Variants in EGFR observed in about 807,000 individuals in gnomAD.
EGFR encodes the protein avian erythroblastic leukemia viral (v-erb-b) oncogene homolog.
Under a neutral mutation model 143.0 loss-of-function variants are expected in EGFR, and 58 were observed. That is an observed-to-expected ratio of 0.41 (90% confidence interval 0.33 to 0.50). The LOEUF (loss-of-function observed/expected upper bound fraction) is 0.50, where lower values mean the gene tolerates loss of function less well. Among genes scored for constraint, EGFR ranks in the 20% least tolerant of loss-of-function variants. EGFR has a pLI of 0.39. For missense variants in EGFR, 1,307 were observed against 1,579.0 expected (o/e 0.83, Z 2.92); for synonymous variants, 613 against 594.4 (o/e 1.03, Z -0.45).
rs920098979 is a variant in EGFR, at chr7:55,055,254, C to A, written c.88+35889C>A. On this transcript the variant is annotated intron_variant, in intron 1 of 27. Coordinates refer to ENST00000275493, the MANE Select transcript of EGFR (RefSeq NM_005228.5). ...AACCTCAGCCGCACATTGAGAATCA[C>A]CTGGGACCCTTAAAAAAATCTTAAC... Among the ~76,000 whole-genome samples, 3 of 152,184 alleles carry A rather than the reference C, an allele frequency of 2.0e-5. No individual in the cohort carries two copies. In the East Asian group the frequency reaches 5.8e-4, roughly 29 times the overall value.
intron 4 of EGFR, among the ~76,000 whole-genome samples, chr7:55,148,458 A>G (rs937659219): frequency 4.6e-5 from 7 of 152,194 alleles, no homozygotes; most frequent in Non-Finnish European, 1.0e-4. Flanking sequence ...ACTACAGGGC[A>G]TTGAACTATA....
At chr7:55,170,770 C>T (rs1786308450) in intron 15 of EGFR, 5 of 1,448,894 alleles carry the variant, frequency 3.5e-6, no homozygotes, top group South Asian at 1.5e-5. Context: ...CCTGCAGGGA[C>T]TCCATGCTGC....
intron 1 of EGFR, among the ~76,000 whole-genome samples, chr7:55,114,836 T>G (rs917496478): frequency 2.6e-5 from 4 of 151,910 alleles, no homozygotes; most frequent in Admixed American, 6.5e-5. Flanking sequence ...AGAAGGACAT[T>G]GTGTAGAAAT....
intron 1 of EGFR, among the ~76,000 whole-genome samples, chr7:55,076,414 A>T (rs1359019259): frequency 6.6e-6 from 1 of 152,210 alleles, no homozygotes; most frequent in Non-Finnish European, 1.5e-5. Flanking sequence ...TTGGTTGGAA[A>T]AAAAATCCTG....
intron 1 of EGFR, among the ~76,000 whole-genome samples, chr7:55,108,854 T>C (rs1014200560): frequency 6.6e-6 from 1 of 152,218 alleles, no homozygotes; most frequent in Non-Finnish European, 1.5e-5. Flanking sequence ...CATGTGCAAC[T>C]TCCTAAGGAG....
chr7:55,059,583 C>T (rs1789047431), intron 1 of EGFR, among the ~76,000 whole-genome samples: 1 of 152,058 alleles, frequency 6.6e-6, no homozygotes, highest in African/African-American at 2.4e-5. Flanking sequence ...CACGCAGAGT[C>T]GTCTCCTGGC....
rs1016853855 is a variant in EGFR at position 55,123,053 on chromosome 7, CT to C, written c.89-19232del. On this transcript the variant is annotated intron_variant, in intron 1 of 27. Coordinates refer to ENST00000275493, the MANE Select transcript of EGFR (RefSeq NM_005228.5). Reference sequence around the variant, plus strand: ...GGGATATTTTAGAAGGATGACCAGGCTAGTTTGTAGTAAGAAAAAATCAACA... The same window carrying C: ...GGGATATTTTAGAAGGATGACCAGGCAGTTTGTAGTAAGAAAAAATCAACA... Among the ~76,000 whole-genome samples, 72 of 152,210 alleles carry C rather than the reference CT, an allele frequency of 4.7e-4. 1 individual carries two copies. The highest frequency in any genetic ancestry group is 1.9e-3 in the Admixed American group (29 of 15,284).
At chr7:55,020,368 G>C (rs1786476396) in intron 1 of EGFR, among the ~76,000 whole-genome samples, 1 of 152,202 alleles carries the variant, frequency 6.6e-6, no homozygotes, top group Admixed American at 6.5e-5. Context: ...GCGGCTGTCC[G>C]GCCACTGCAG....
chr7:55,166,434 T>C, intron 15 of EGFR: 1 of 498,516 alleles, frequency 2.0e-6, no homozygotes, highest in Non-Finnish European at 3.9e-6. Context: ...TCACTTTCTT[T>C]TCTGTAAATT....
chr7:55,146,521 A>G (rs2128929221), intron 3 of EGFR, 85 bp from the exon 4 acceptor site: 2 of 1,596,950 alleles, frequency 1.3e-6, no homozygotes, highest in African/African-American at 2.7e-5. Flanking sequence ...CTTTAGCAGA[A>G]CATAAATGCG....
At chr7:55,196,751 A>G (rs1433557334) in intron 22 of EGFR, among the ~76,000 whole-genome samples, 1 of 148,708 alleles carries the variant, frequency 6.7e-6, no homozygotes, top group Non-Finnish European at 1.5e-5. Context: ...GCTAGTCATC[A>G]TTTATTGAGT....
chr7:55,065,287 T>G (rs1038724140), intron 1 of EGFR, among the ~76,000 whole-genome samples: 1 of 152,016 alleles, frequency 6.6e-6, no homozygotes, highest in Non-Finnish European at 1.5e-5. Context: ...AGGAGAGGGG[T>G]GGACGAGGAG....
At position 55,142,418 on chromosome 7, in the gene EGFR, A is replaced by G; in HGVS notation, c.221A>G (p.Tyr74Cys). Reference protein sequence around the residue: ...NLEITYVQRNYDLSFLKTIQE... With the variant: ...NLEITYVQRNCDLSFLKTIQE... Reference sequence around the variant, plus strand: ...GAAATTACCTATGTGCAGAGGAATTATGATCTTTCCTTCTTAAAGGTTGGT... The same window carrying G: ...GAAATTACCTATGTGCAGAGGAATTGTGATCTTTCCTTCTTAAAGGTTGGT... Residue 74 changes from tyrosine to cysteine, a missense_variant, in exon 2 of 28, where the codon TAT (tyrosine) becomes TGT (cysteine). Physicochemically the swap from Tyr to Cys is radical, Grantham distance 194. This residue lies in a region of EGFR where 311 missense variants were observed against 412.3 expected (regional missense o/e 0.75). Coordinates refer to ENST00000275493, the MANE Select transcript of EGFR (RefSeq NM_005228.5). The G allele has an allele frequency of 1.9e-6, 3 of 1,614,204 alleles. No homozygotes were observed. The highest frequency in any genetic ancestry group is 2.5e-6 in the Non-Finnish European group (3 of 1,180,034).
At position 55,202,550 on chromosome 7, in the gene EGFR, T is replaced by G; in HGVS notation, c.3196T>G (p.Leu1066Val). Residue 1066 changes from leucine to valine, a missense_variant, in exon 27 of 28, where the codon TTG (leucine) becomes GTG (valine). This residue lies in a region of EGFR where 313 missense variants were observed against 312.3 expected (regional missense o/e 1.00). Coordinates refer to ENST00000275493, the MANE Select transcript of EGFR (RefSeq NM_005228.5). ...CTGTCCCATCAAGGAAGACAGCTTC[T>G]TGCAGCGATACAGCTCAGACCCCAC... is the stretch of plus-strand genomic sequence containing the variant. ...QSCPIKEDSFLQRYSSDPTGA... is the reference protein window; with the variant it reads ...QSCPIKEDSFVQRYSSDPTGA... The G allele has an allele frequency of 6.2e-7, 1 of 1,612,836 alleles. No homozygotes were observed. Among genetic ancestry groups the G allele is most frequent in the Non-Finnish European group, 8.5e-7 (1 of 1,179,432 alleles).
chr7:55,192,977 T>C, intron 22 of EGFR, 136 bp downstream of exon 22: 1 of 838,184 alleles, frequency 1.2e-6, no homozygotes, highest in Non-Finnish European at 2.0e-6. Flanking sequence ...TAATCATTGC[T>C]GTCTATCTAT....
At chr7:55,051,341 A>G (rs1456301163) in intron 1 of EGFR, among the ~76,000 whole-genome samples, 1 of 152,160 alleles carries the variant, frequency 6.6e-6, no homozygotes, top group East Asian at 1.9e-4. Context: ...GTGGGGCCTA[A>G]TCACAGGTGA....
intron 1 of EGFR, among the ~76,000 whole-genome samples, chr7:55,111,772 A>G (rs945395883): frequency 6.6e-6 from 1 of 152,226 alleles, no homozygotes; most frequent in Admixed American, 6.5e-5. Flanking sequence ...CCCAGCAGAT[A>G]AATGACGTGT....
At chr7:55,157,916 C>G (rs561384993) in intron 11 of EGFR, among the ~76,000 whole-genome samples, 163 bp downstream of exon 11, 66 of 152,334 alleles carry the variant, frequency 4.3e-4, no homozygotes, top group African/African-American at 1.6e-3. Context: ...CAAGACTGCA[C>G]GACCACTGGC....
At chr7:55,143,256 C>T (rs552793085) in intron 2 of EGFR, 49 bp from the exon 3 acceptor site, 1 of 1,610,574 alleles carries the variant, frequency 6.2e-7, no homozygotes, top group East Asian at 2.2e-5. Context: ...ACCTTGAGTT[C>T]TTGAGTTCCT....
Sources: allele counts gnomAD v4.1 joint callset (sites outside exome capture counted in the v4.1 genomes callset), GRCh38; gene constraint gnomAD v4.1.1; regional missense constraint gnomAD v4.1.1; transcripts MANE v1.5; gene names NCBI Gene and HGNC (gene_info 2026-07-23, HGNC 2026-07-21).